The following LUZP2 variants were observed in gnomAD, a reference collection of about 807,000 sequenced individuals.
The protein encoded by LUZP2 is leucine zipper protein 2.
Under a neutral mutation model 51.6 loss-of-function variants are expected in LUZP2, and 52 were observed. That is an observed-to-expected ratio of 1.01 (90% CI 0.81 to 1.27). LUZP2 has a LOEUF of 1.27. Among genes scored for constraint, LUZP2 ranks in the 50% most tolerant of loss-of-function variants. The pLI is 0.00. For missense variants in LUZP2, 436 were observed against 395.4 expected (o/e 1.10, Z -0.87); for synonymous variants, 154 against 137.3 (o/e 1.12, Z -0.85).
intron 1 of LUZP2, among the ~76,000 whole-genome samples, chr11:24,519,582 A>T (rs2133796867): frequency 6.6e-6 from 1 of 152,310 alleles, no homozygotes; most frequent in Middle Eastern, 3.4e-3. Flanking sequence ...CTTAGTGAAA[A>T]GTCCTTGGGA....
chr11:24,641,671 C>T (rs1211904567), intron 1 of LUZP2, among the ~76,000 whole-genome samples: 4 of 151,726 alleles, frequency 2.6e-5, no homozygotes, highest in Non-Finnish European at 5.9e-5. Context: ...CCGGATTAGT[C>T]TAATTAAAGG....
intron 5 of LUZP2, among the ~76,000 whole-genome samples, chr11:24,859,646 C>G (rs1451001128): frequency 6.6e-6 from 1 of 152,162 alleles, no homozygotes; most frequent in African/African-American, 2.4e-5. Flanking sequence ...ATCAAGGTAT[C>G]CAGATTCTGT....
chr11:24,881,203 G>A (rs1450921729), intron 5 of LUZP2, among the ~76,000 whole-genome samples: 1 of 151,972 alleles, frequency 6.6e-6, no homozygotes, highest in Non-Finnish European at 1.5e-5. Flanking sequence ...TACATTTAAA[G>A]TGAAATTATG....
rs74193994 is a variant in LUZP2, at chr11:24,916,519, G to A, written c.522+1981G>A. Reference sequence around the variant, plus strand: ...CCCACAACAGGCTGTGGTGTGTGATGTTCCCCTTCCTGTGTCCACATGTTC... The same window carrying A: ...CCCACAACAGGCTGTGGTGTGTGATATTCCCCTTCCTGTGTCCACATGTTC... On this transcript the variant is annotated intron_variant, in intron 7 of 11. Transcript: ENST00000336930. Among the ~76,000 whole-genome samples, 1,304 of 151,972 alleles carry A rather than the reference G, an allele frequency of 8.6e-3. 60 individuals are homozygous for A. The highest frequency in any genetic ancestry group is 0.085 in the East Asian group (436 of 5,126).
At chr11:24,968,995 T>A (rs1855670372) in intron 7 of LUZP2, among the ~76,000 whole-genome samples, 1 of 152,204 alleles carries the variant, frequency 6.6e-6, no homozygotes, top group African/African-American at 2.4e-5. Context: ...GCAGATAATT[T>A]GAATCCTTTT....
chr11:24,652,668 A>G (rs1477689385), intron 1 of LUZP2, among the ~76,000 whole-genome samples: 1 of 152,156 alleles, frequency 6.6e-6, no homozygotes, highest in African/African-American at 2.4e-5. Context: ...GAGATTTATA[A>G]TAATCTCATA....
intron 7 of LUZP2, among the ~76,000 whole-genome samples, chr11:24,923,565 C>T (rs756479261): frequency 2.0e-5 from 3 of 152,044 alleles, no homozygotes; most frequent in Non-Finnish European, 4.4e-5. Flanking sequence ...GGCTTGGTGG[C>T]GCATGCCTGT....
At chr11:24,869,190 A>G (rs560243182) in intron 5 of LUZP2, among the ~76,000 whole-genome samples, 1 of 152,278 alleles carries the variant, frequency 6.6e-6, no homozygotes, top group South Asian at 2.1e-4. Context: ...ATTTTAGATC[A>G]CAGAAAGAAA....
intron 9 of LUZP2, among the ~76,000 whole-genome samples, chr11:24,998,806 C>G (rs553294952): frequency 6.6e-6 from 1 of 152,138 alleles, no homozygotes; most frequent in African/African-American, 2.4e-5. Flanking sequence ...AAAAGACTCA[C>G]CTTTCATTTT....
chr11:24,665,903 T>A (rs1426682005), intron 1 of LUZP2, among the ~76,000 whole-genome samples: 1 of 152,166 alleles, frequency 6.6e-6, no homozygotes, highest in Non-Finnish European at 1.5e-5. Context: ...TATAGTCTTA[T>A]CATTTGTTAG....
At chr11:24,516,715 G>T (rs1850474506) in intron 1 of LUZP2, among the ~76,000 whole-genome samples, 2 of 152,112 alleles carry the variant, frequency 1.3e-5, no homozygotes, top group Non-Finnish European at 2.9e-5. Context: ...GTCTTTCCTG[G>T]TGCTGTGTAG....
At chr11:24,649,300 T>C (rs922979379) in intron 1 of LUZP2, among the ~76,000 whole-genome samples, 3 of 151,928 alleles carry the variant, frequency 2.0e-5, no homozygotes, top group Non-Finnish European at 4.4e-5. Flanking sequence ...AGTAACTCTT[T>C]CACCTTCTTT....
At chr11:24,558,823 A>G (rs1188915674) in intron 1 of LUZP2, among the ~76,000 whole-genome samples, 3 of 152,192 alleles carry the variant, frequency 2.0e-5, no homozygotes, top group Middle Eastern at 3.2e-3. Flanking sequence ...GTAAGAGCAG[A>G]CACCCCGTTG....
intron 1 of LUZP2, among the ~76,000 whole-genome samples, chr11:24,681,139 G>A (rs1235535708): frequency 6.6e-6 from 1 of 151,804 alleles, no homozygotes; most frequent in Non-Finnish European, 1.5e-5. Context: ...CCGCCACCGC[G>A]CCCAGCTAAT....
chr11:24,915,297 G>A (rs1192747164), intron 7 of LUZP2, among the ~76,000 whole-genome samples: 1 of 151,982 alleles, frequency 6.6e-6, no homozygotes, highest in Admixed American at 6.6e-5. Context: ...GTTTTTCATT[G>A]TCCTCTACAT....
intron 4 of LUZP2, among the ~76,000 whole-genome samples, chr11:24,743,969 C>T (rs2716444): frequency 0.6 from 90,522 of 151,844 alleles, 27,548 homozygotes; most frequent in African/African-American, 0.71. Flanking sequence ...TCTGTTGAGA[C>T]GATCATGGAA....
At chr11:24,761,278 A>G (rs1859968788) in intron 4 of LUZP2, among the ~76,000 whole-genome samples, 1 of 152,102 alleles carries the variant, frequency 6.6e-6, no homozygotes, top group Admixed American at 6.6e-5. Flanking sequence ...AACAGGAGGA[A>G]GACAGAGAAG....
intron 10 of LUZP2, 71 bp from the exon 11 acceptor site, chr11:25,077,258 G>A: frequency 2.7e-6 from 3 of 1,093,834 alleles, no homozygotes; most frequent in Non-Finnish European, 4.2e-6. Flanking sequence ...ATTCAAGAGA[G>A]TGTTTTTGAC....
At chr11:24,567,213 G>T (rs1012710455) in intron 1 of LUZP2, among the ~76,000 whole-genome samples, 10 of 150,596 alleles carry the variant, frequency 6.6e-5, no homozygotes, top group African/African-American at 1.7e-4. Context: ...AATAAAATTG[G>T]TTAGAGAGGC....
Sources: gnomAD v4.1 joint callset for allele counts (sites outside exome capture counted in the v4.1 genomes callset) on GRCh38, gnomAD v4.1.1 for gene constraint, MANE v1.5 for transcripts, NCBI Gene and HGNC (gene_info 2026-07-23, HGNC 2026-07-21) for gene names.